Variants in ANTXR1 observed in about 807,000 individuals in gnomAD.
The protein encoded by ANTXR1 is anthrax toxin receptor 1.
ANTXR1 carries 19 observed loss-of-function variants against 78.1 expected under a neutral mutation model. The observed-to-expected ratio is 0.24, with a 90% CI of 0.17 to 0.36. The LOEUF (loss-of-function observed/expected upper bound fraction) is 0.36, where lower values mean the gene tolerates loss of function less well. Ranked by LOEUF, ANTXR1 falls within the 10% of genes least tolerant of loss-of-function variation. The pLI is 1.00. For missense variants in ANTXR1, 518 were observed against 718.6 expected, an observed-to-expected ratio of 0.72 and a Z score of 3.19; for synonymous variants, 273 against 260.5, an observed-to-expected ratio of 1.05 and a Z score of -0.46.
chr2:69,113,102 T>C (rs1009554944), intron 10 of ANTXR1, among the ~76,000 whole-genome samples: 2 of 152,186 alleles, frequency 1.3e-5, no homozygotes, highest in African/African-American at 4.8e-5. Context: ...AATCGTGAGC[T>C]CCACGAGGAC....
At chr2:69,030,912 AAAC>A (rs1435475942) in intron 1 of ANTXR1, among the ~76,000 whole-genome samples, 2 of 152,210 alleles carry the variant, frequency 1.3e-5, no homozygotes, top group Non-Finnish European at 2.9e-5. Flanking sequence ...ATTTAGAAAA[AAAC>A]GAGTCTGAAA....
intron 17 of ANTXR1, among the ~76,000 whole-genome samples, chr2:69,208,479 A>G (rs954843352): frequency 2.6e-5 from 4 of 152,388 alleles, no homozygotes; most frequent in African/African-American, 9.6e-5. Context: ...AAAAAAGAAT[A>G]GGAAATATTT....
chr2:69,098,672 A>G (rs11126216), intron 9 of ANTXR1, among the ~76,000 whole-genome samples: 28,100 of 152,216 alleles, frequency 0.18, 3,248 homozygotes, highest in South Asian at 0.26. Context: ...TTTACATGCT[A>G]TAAAAATCAC....
chr2:69,052,853 T>C (rs2104124791), intron 3 of ANTXR1, among the ~76,000 whole-genome samples: 1 of 150,960 alleles, frequency 6.6e-6, no homozygotes, highest in African/African-American at 2.5e-5. Flanking sequence ...TTGTTTATTT[T>C]GTTTTTGCTT....
rs758592903 is a variant in ANTXR1 at position 69,152,194 on chromosome 2, C to T, written c.977C>T (p.Ala326Val). ...HCSDGSILAI[A>V]LLILFLLLAL... ...TCTGACGGTTCCATCCTGGCCATCG[C>T]CCTGCTGATCCTGTTCCTGCTCCTA... Residue 326 changes from alanine (A) to valine (V), a missense_variant, in exon 13 of 18, where the codon GCC (alanine) becomes GTC (valine). This residue lies in a region of ANTXR1 where 264 missense variants were observed against 391.8 expected (regional missense o/e 0.67). Transcript: ENST00000303714. 28 of 1,614,042 alleles carry T rather than the reference C, an allele frequency of 1.7e-5. No individual in the cohort carries two copies. The highest frequency in any genetic ancestry group is 2.3e-5 in the Non-Finnish European group (27 of 1,180,046).
At chr2:69,096,782 T>C (rs766460132) in intron 9 of ANTXR1, among the ~76,000 whole-genome samples, 24 of 152,218 alleles carry the variant, frequency 1.6e-4, no homozygotes, top group Non-Finnish European at 2.6e-4. Flanking sequence ...TTATTACAAG[T>C]TAATGATTAT....
chr2:69,134,930 G>A (rs79172821), intron 12 of ANTXR1: 3,051 of 304,384 alleles, frequency 0.01, 88 homozygotes, highest in African/African-American at 0.06. Flanking sequence ...CATAACTCAA[G>A]GTATTTTTTT....
At chr2:69,239,371 C>A (rs934995653) in intron 17 of ANTXR1, among the ~76,000 whole-genome samples, 20 of 152,276 alleles carry the variant, frequency 1.3e-4, no homozygotes, top group African/African-American at 4.8e-4. Context: ...GTGTTCAAGA[C>A]CAGCCTGGCC....
At position 69,147,012 on chromosome 2, in the gene ANTXR1, A is replaced by T. The variant is rs73934759; in HGVS notation, c.952-5157A>T. 5.5e-3 allele frequency among the ~76,000 whole-genome samples: 840 copies of T among 152,376 alleles called. 9 individuals are homozygous for T. The highest frequency in any genetic ancestry group is 0.019 in the African/African-American group (806 of 41,586). ...AAGCAGGTGGCAGTTAGCACGGAGT[A>T]TGCCAACAGACAGTGAATCAGGGGC... On this transcript the variant is annotated intron_variant, in intron 12 of 17. Coordinates refer to ENST00000303714, the MANE Select transcript of ANTXR1 (RefSeq NM_032208.3).
chr2:69,040,236 T>C, intron 2 of ANTXR1, 121 bp downstream of exon 2: 1 of 821,612 alleles, frequency 1.2e-6, no homozygotes, highest in Non-Finnish European at 2.0e-6. Context: ...AGTTGGGCTC[T>C]CAGATCTCGG....
At chr2:69,131,276 A>G (rs1672736533) in intron 12 of ANTXR1, among the ~76,000 whole-genome samples, 1 of 152,126 alleles carries the variant, frequency 6.6e-6, no homozygotes, top group South Asian at 2.1e-4. Flanking sequence ...CCAGACAAAG[A>G]CTCCAAAATT....
intron 12 of ANTXR1, among the ~76,000 whole-genome samples, chr2:69,149,277 T>G (rs1042230553): frequency 6.6e-6 from 1 of 152,146 alleles, no homozygotes; most frequent in African/African-American, 2.4e-5. Flanking sequence ...GAACTGGGCC[T>G]CATTAGGGGG....
chr2:69,113,309 T>A (rs1296881967), intron 10 of ANTXR1, among the ~76,000 whole-genome samples: 1 of 152,094 alleles, frequency 6.6e-6, no homozygotes, highest in Non-Finnish European at 1.5e-5. Context: ...GCAATACTGC[T>A]CCTCTGCCAT....
chr2:69,117,095 C>T (rs1211412314), intron 10 of ANTXR1, among the ~76,000 whole-genome samples: 1 of 152,218 alleles, frequency 6.6e-6, no homozygotes, highest in Non-Finnish European at 1.5e-5. Flanking sequence ...ACACCTGAAC[C>T]TTTTCTTCAA....
chr2:69,145,245 G>A, intron 12 of ANTXR1: 1 of 1,410,908 alleles, frequency 7.1e-7, no homozygotes, highest in South Asian at 1.2e-5. Context: ...CACTTGCATG[G>A]GTCCCTGCTA....
At chr2:69,238,566 T>A (rs185188171) in intron 17 of ANTXR1, among the ~76,000 whole-genome samples, 2 of 152,328 alleles carry the variant, frequency 1.3e-5, no homozygotes, top group East Asian at 3.9e-4. Context: ...GCCTTCAATA[T>A]GTCGATGAGG....
chr2:69,103,138 C>T (rs1671681423), intron 10 of ANTXR1, 198 bp downstream of exon 10: 2 of 650,650 alleles, frequency 3.1e-6, no homozygotes. Flanking sequence ...TGGGCACAGC[C>T]CCATGGGTGT....
chr2:69,143,180 C>T (rs11886540), intron 12 of ANTXR1, among the ~76,000 whole-genome samples: 2,633 of 151,988 alleles, frequency 0.017, 76 homozygotes, highest in African/African-American at 0.059. Flanking sequence ...GGTGGAGAAA[C>T]CAATAAAGAG....
chr2:69,063,867 A>G (rs1036571276), intron 3 of ANTXR1, among the ~76,000 whole-genome samples: 4 of 152,134 alleles, frequency 2.6e-5, no homozygotes, highest in Admixed American at 2.0e-4. Flanking sequence ...AAGGATGCAT[A>G]TTATAATTCG....
Sources: gnomAD v4.1 joint callset for allele counts (sites outside exome capture counted in the v4.1 genomes callset) on GRCh38, gnomAD v4.1.1 for gene constraint, gnomAD v4.1.1 regional missense constraint, MANE v1.5 for transcripts, NCBI Gene and HGNC (gene_info 2026-07-23, HGNC 2026-07-21) for gene names.